OR10J1: variants seen among roughly 807,000 people sequenced by gnomAD.
OR10J1 encodes the protein olfactory receptor 10J1.
For missense variants in OR10J1, 474 were observed against 376.6 expected (o/e 1.26, Z -2.14); for synonymous variants, 202 against 143.8 (o/e 1.40, Z -2.89).
At chr1:159,407,285 G>T in the OR10J1 span, among the ~76,000 whole-genome samples, 1 of 152,094 alleles carries the variant, frequency 6.6e-6, no homozygotes, top group Admixed American at 6.6e-5. Flanking sequence ...AAGCCACACT[G>T]CCCAGAATTT....
At position 159,439,870 on chromosome 1, in the gene OR10J1, C is replaced by G. The variant is rs1571158877; in HGVS notation, c.79C>G (p.Leu27Val). The part of the protein sequence containing the change: ...FSSFHEQQIT[L>V]FGVFLALYIL... The stretch of plus-strand genomic sequence containing the variant: ...TAGCTTCCATGAGCAGCAGATCACC[C>G]TTTTTGGCGTGTTCCTTGCACTATA... Residue 27 changes from leucine to valine, a missense_variant, in exon 1 of 1, where the codon CTT becomes GTT. Physicochemically the swap from Leu to Val is conservative, Grantham distance 32. Transcript: ENST00000423932. 3.7e-6 allele frequency: 6 copies of G among 1,614,144 alleles called. No individual in the cohort carries two copies. The highest frequency in any genetic ancestry group is 2.2e-5 in the East Asian group (1 of 44,886).
chr1:159,416,590 G>A, the OR10J1 span, among the ~76,000 whole-genome samples: 1 of 151,670 alleles, frequency 6.6e-6, no homozygotes, highest in East Asian at 1.9e-4. Context: ...GGGTAATGCT[G>A]CCTCATACAA....
chr1:159,420,089 T>G, the OR10J1 span, among the ~76,000 whole-genome samples: 4 of 152,166 alleles, frequency 2.6e-5, no homozygotes, highest in African/African-American at 9.7e-5. Context: ...CTTTGTCTCT[T>G]TTTACTGTTT....
At chr1:159,411,005 G>A in the OR10J1 span, among the ~76,000 whole-genome samples, 10 of 152,204 alleles carry the variant, frequency 6.6e-5, no homozygotes, top group South Asian at 2.1e-4. Context: ...GTAGTTGAGC[G>A]GTTTTGAGTG....
At chr1:159,408,325 T>G in the OR10J1 span, among the ~76,000 whole-genome samples, 6 of 151,884 alleles carry the variant, frequency 4.0e-5, no homozygotes, top group Non-Finnish European at 8.8e-5. Flanking sequence ...GGGACATGGA[T>G]GCAATGGGAA....
the OR10J1 span, among the ~76,000 whole-genome samples, chr1:159,430,639 T>TGG: frequency 6.4e-3 from 151 of 23,638 alleles, no homozygotes; most frequent in African/African-American, 9.5e-3. Flanking sequence ...AAAAAAATTA[T>TGG]GGTGTGTGTG....
chr1:159,430,918 G>C, the OR10J1 span, among the ~76,000 whole-genome samples: 754 of 152,226 alleles, frequency 5.0e-3, 8 homozygotes, highest in African/African-American at 0.017. Context: ...AACGAGCAAA[G>C]AAAATCAGGC....
At chr1:159,430,645 G>GTA in the OR10J1 span, among the ~76,000 whole-genome samples, 22 of 73,222 alleles carry the variant, frequency 3.0e-4, no homozygotes, top group African/African-American at 6.4e-4. Flanking sequence ...ATTATGGTGT[G>GTA]TGTGTGTGTG....
chr1:159,431,125 C>T, the OR10J1 span, among the ~76,000 whole-genome samples: 18 of 152,212 alleles, frequency 1.2e-4, no homozygotes, highest in African/African-American at 3.6e-4. Context: ...GGGTATTAAA[C>T]GCATAATATT....
upstream of OR10J1, chr1:159,439,661 C>T (rs550813157): frequency 8.1e-6 from 9 of 1,105,308 alleles, no homozygotes; most frequent in African/African-American, 1.2e-4. Flanking sequence ...ACTTAATCCA[C>T]TAGGAAATAC....
At chr1:159,402,698 C>A in the OR10J1 span, among the ~76,000 whole-genome samples, 5 of 151,996 alleles carry the variant, frequency 3.3e-5, no homozygotes, top group Non-Finnish European at 5.9e-5. Flanking sequence ...AAGCTGTCTA[C>A]AGATTCAATG....
At position 159,439,968 on chromosome 1, in the gene OR10J1, G is replaced by C. The variant is rs1655871316; in HGVS notation, c.177G>C (p.Met59Ile). The C allele has an allele frequency of 6.2e-7, 1 of 1,613,964 alleles. No homozygotes were observed. Among genetic ancestry groups the C allele is most frequent in the African/African-American group, 1.3e-5 (1 of 74,880 alleles). The change falls in exon 1 of 1, where the codon ATG (methionine) becomes ATC (isoleucine). Residue 59 changes from methionine (M) to isoleucine (I), a missense_variant. By Grantham distance (10) the Met-to-Ile change is conservative (BLOSUM62 1). Coordinates refer to ENST00000423932, the MANE Select transcript of OR10J1 (RefSeq NM_012351.3). ...TGGATCTTCATCTTCACACACCCATGTACTTCTTCCTGAGCATGCTGTCCA... is the reference window on the plus strand; with the variant it reads ...TGGATCTTCATCTTCACACACCCATCTACTTCTTCCTGAGCATGCTGTCCA... ...IRMDLHLHTPMYFFLSMLSTS... is the reference protein window; with the variant it reads ...IRMDLHLHTPIYFFLSMLSTS...
chr1:159,425,865 A>T, the OR10J1 span, among the ~76,000 whole-genome samples: 1 of 152,024 alleles, frequency 6.6e-6, no homozygotes, highest in Non-Finnish European at 1.5e-5. Context: ...AAACATAAAG[A>T]TGCATAACAT....
chr1:159,412,609 G>A, the OR10J1 span, among the ~76,000 whole-genome samples: 26 of 150,710 alleles, frequency 1.7e-4, no homozygotes, highest in Non-Finnish European at 3.4e-4. Context: ...TTTAATAAAT[G>A]GTGCTGGGAA....
the OR10J1 span, among the ~76,000 whole-genome samples, chr1:159,423,987 C>A: frequency 1.3e-5 from 2 of 151,994 alleles, no homozygotes; most frequent in South Asian, 2.1e-4. Flanking sequence ...GAGGCTGAGG[C>A]GAGTGGGTCA....
upstream of OR10J1, among the ~76,000 whole-genome samples, chr1:159,433,883 A>T (rs1212954518): frequency 6.6e-6 from 1 of 152,176 alleles, no homozygotes; most frequent in East Asian, 1.9e-4. Context: ...GATATTTATT[A>T]AAAGGAAGAA....
the OR10J1 span, among the ~76,000 whole-genome samples, chr1:159,432,029 T>C: frequency 6.6e-6 from 1 of 152,300 alleles, no homozygotes; most frequent in Admixed American, 6.5e-5. Flanking sequence ...CCAGAGAACC[T>C]TGATGGGTCC....
the OR10J1 span, among the ~76,000 whole-genome samples, chr1:159,417,248 G>T: frequency 3.9e-5 from 6 of 151,916 alleles, no homozygotes; most frequent in African/African-American, 9.7e-5. Context: ...CACAAGTCTT[G>T]GTATGTTGTG....
chr1:159,425,084 G>C, the OR10J1 span, among the ~76,000 whole-genome samples: 22 of 152,084 alleles, frequency 1.4e-4, no homozygotes, highest in Non-Finnish European at 2.8e-4. Context: ...TCAAAATTGT[G>C]ATATAAAATT....
Sources: gnomAD v4.1 joint callset for allele counts (sites outside exome capture counted in the v4.1 genomes callset) on GRCh38, gnomAD v4.1.1 for gene constraint, MANE v1.5 for transcripts, NCBI Gene and HGNC (gene_info 2026-07-23, HGNC 2026-07-21) for gene names.